Variants in EBF1 observed in about 807,000 individuals in gnomAD.
EBF1 encodes EBF transcription factor 1.
Under a neutral mutation model 68.4 loss-of-function variants are expected in EBF1, and 10 were observed. The observed-to-expected ratio is 0.15, with a 90% CI of 0.09 to 0.25. The LOEUF is 0.25. Ranked by LOEUF, EBF1 falls within the 10% of genes least tolerant of loss-of-function variation. The pLI, the probability that EBF1 is intolerant of heterozygous loss-of-function variation, is 1.00. For synonymous variants in EBF1, 298 were observed against 299.8 expected (o/e 0.99, Z 0.06); for missense variants, 509 against 794.4 (o/e 0.64, Z 4.32).
chr5:158,965,764 AG>A (rs1187908825), intron 6 of EBF1, among the ~76,000 whole-genome samples: 1 of 152,242 alleles, frequency 6.6e-6, no homozygotes, highest in Admixed American at 6.5e-5. Context: ...AGTATTTAGT[AG>A]CATAATTAAT....
At chr5:158,838,382 C>G (rs992549268) in intron 7 of EBF1, among the ~76,000 whole-genome samples, 2 of 141,790 alleles carry the variant, frequency 1.4e-5, no homozygotes, top group Non-Finnish European at 3.0e-5. Context: ...GGAGGCAGAG[C>G]TTGCAGTGAG....
chr5:158,714,206 A>G, intron 11 of EBF1, 24 bp from the exon 12 acceptor site: 2 of 1,613,634 alleles, frequency 1.2e-6, no homozygotes, highest in Non-Finnish European at 1.7e-6. Flanking sequence ...AGCAGATACA[A>G]TCCTTTGAGT....
intron 8 of EBF1, among the ~76,000 whole-genome samples, chr5:158,813,191 T>C (rs1783036518): frequency 6.6e-6 from 1 of 152,214 alleles, no homozygotes; most frequent in South Asian, 2.1e-4. Flanking sequence ...ACTTTAGTCT[T>C]GCCCTAAGCA....
At chr5:158,812,949 C>T (rs1382718038) in intron 8 of EBF1, among the ~76,000 whole-genome samples, 1 of 152,060 alleles carries the variant, frequency 6.6e-6, no homozygotes, top group African/African-American at 2.4e-5. Context: ...TAAACTGAGC[C>T]TAAAGGACTT....
chr5:158,807,982 C>T (rs1006777735), intron 8 of EBF1, among the ~76,000 whole-genome samples: 23 of 152,102 alleles, frequency 1.5e-4, no homozygotes, highest in South Asian at 4.1e-4. Flanking sequence ...TCTCCACAAC[C>T]GAGGCTGCCA....
At chr5:158,952,937 C>CT (rs35709742) in intron 6 of EBF1, among the ~76,000 whole-genome samples, 24 of 151,608 alleles carry the variant, frequency 1.6e-4, no homozygotes, top group Admixed American at 7.2e-4. Context: ...ACCAAAGTAC[C>CT]TTTTTTTTAG....
chr5:158,697,235 T>G lies in EBF1; in HGVS notation c.*1876A>C, dbSNP rs1050035046. 2 of 192,004 alleles carry G rather than the reference T, an allele frequency of 1.0e-5. No homozygotes were observed. The highest frequency in any genetic ancestry group is 2.3e-5 in the African/African-American group (1 of 42,832). The allele number at this position is 192,004 out of a possible 1,614,324, so 11.9% of individuals were successfully genotyped here. On this transcript the variant is annotated 3_prime_UTR_variant, in exon 16 of 16. Transcript: ENST00000313708. ...AGCAAAGGATACATTTTTTTTTAAA[T>G]CTACTGAACTAAATACTACAAGAAT... is the stretch of plus-strand genomic sequence containing the variant.
intron 10 of EBF1, among the ~76,000 whole-genome samples, chr5:158,764,550 A>C (rs778015282): frequency 2.0e-5 from 3 of 152,202 alleles, no homozygotes; most frequent in Non-Finnish European, 2.9e-5. Flanking sequence ...AAAGACAAGG[A>C]CACGGCCTTC....
At chr5:159,030,894 C>T (rs955065095) in intron 6 of EBF1, among the ~76,000 whole-genome samples, 4 of 152,100 alleles carry the variant, frequency 2.6e-5, no homozygotes, top group Non-Finnish European at 4.4e-5. Context: ...AAACAGTAGC[C>T]GGGCATGGTG....
chr5:159,032,558 C>T (rs1420307067), intron 6 of EBF1, among the ~76,000 whole-genome samples: 1 of 152,188 alleles, frequency 6.6e-6, no homozygotes, highest in Non-Finnish European at 1.5e-5. Context: ...CATTGTTATT[C>T]TTAAACATAG....
chr5:158,939,254 T>A (rs1390041601), intron 6 of EBF1, among the ~76,000 whole-genome samples: 2 of 152,172 alleles, frequency 1.3e-5, no homozygotes, highest in Non-Finnish European at 2.9e-5. Context: ...CAAGGACTTA[T>A]AGCCTAGACA....
chr5:158,969,920 A>AAAGAAAGAAAGAAAGAAAG (rs1554094009), intron 6 of EBF1, among the ~76,000 whole-genome samples: 3 of 68,628 alleles, frequency 4.4e-5, no homozygotes, highest in South Asian at 6.5e-4. Context: ...AAGAAAGAAA[A>AAAGAAAGAAAGAAAGAAAG]AAAAAAAAAA....
intron 6 of EBF1, among the ~76,000 whole-genome samples, chr5:159,030,605 C>T (rs970225342): frequency 6.6e-6 from 1 of 152,156 alleles, no homozygotes. Context: ...AAAGGCAGCC[C>T]TGCAGAAGGA....
At chr5:159,088,468 C>T (rs777970173) in intron 4 of EBF1, among the ~76,000 whole-genome samples, 6 of 152,110 alleles carry the variant, frequency 3.9e-5, no homozygotes, top group South Asian at 4.1e-4. Flanking sequence ...ACACCAACTT[C>T]GGGAGAAGTT....
chr5:158,953,258 A>G (rs1400040305), intron 6 of EBF1, among the ~76,000 whole-genome samples: 1 of 152,232 alleles, frequency 6.6e-6, no homozygotes, highest in Non-Finnish European at 1.5e-5. Flanking sequence ...CTGCTTAAGT[A>G]TATTTGAAGA....
At chr5:158,774,731 T>G (rs1160687763) in intron 10 of EBF1, among the ~76,000 whole-genome samples, 1 of 152,086 alleles carries the variant, frequency 6.6e-6, no homozygotes, top group African/African-American at 2.4e-5. Context: ...AGAGGTAAAC[T>G]GAGTAAATCA....
chr5:158,992,195 C>T (rs555367242), intron 6 of EBF1, among the ~76,000 whole-genome samples: 1 of 151,290 alleles, frequency 6.6e-6, no homozygotes, highest in Non-Finnish European at 1.5e-5. Flanking sequence ...CGTTTGCCTT[C>T]CAGAATCCTT....
intron 10 of EBF1, among the ~76,000 whole-genome samples, chr5:158,733,933 A>C (rs1764642341): frequency 6.6e-6 from 1 of 152,210 alleles, no homozygotes; most frequent in Admixed American, 6.5e-5. Flanking sequence ...CATCTGACAA[A>C]GACTGTTATT....
At chr5:158,935,770 T>C (rs902081432) in intron 6 of EBF1, among the ~76,000 whole-genome samples, 28 of 152,228 alleles carry the variant, frequency 1.8e-4, no homozygotes, top group African/African-American at 6.0e-4. Flanking sequence ...GTAGGGACCA[T>C]GTATTCATTT....
Sources: allele counts gnomAD v4.1 joint callset (sites outside exome capture counted in the v4.1 genomes callset), GRCh38; gene constraint gnomAD v4.1.1; transcripts MANE v1.5; gene names NCBI Gene and HGNC (gene_info 2026-07-23, HGNC 2026-07-21).